Variants in GRM3 observed in about 807,000 individuals in gnomAD.
GRM3 encodes the protein glutamate metabotropic receptor 3, also known as metabotropic glutamate receptor 3.
GRM3 carries 26 observed loss-of-function variants against 70.5 expected under a neutral mutation model. That is an observed-to-expected ratio of 0.37 (90% CI 0.27 to 0.51). The LOEUF (loss-of-function observed/expected upper bound fraction) is 0.51, where lower values mean the gene tolerates loss of function less well. Among genes scored for constraint, GRM3 ranks in the 20% least tolerant of loss-of-function variants. The probability of loss-of-function intolerance (pLI) is 0.93; values close to 1 mark genes in which losing one functional copy is unlikely to be tolerated. For missense variants in GRM3, 859 were observed against 1,123.8 expected (o/e 0.76, Z 3.37); for synonymous variants, 443 against 434.9 (o/e 1.02, Z -0.23).
At chr7:86,827,288 G>T (rs1798253601) in intron 3 of GRM3, among the ~76,000 whole-genome samples, 1 of 152,242 alleles carries the variant, frequency 6.6e-6, no homozygotes, top group South Asian at 2.1e-4. Context: ...ACAGAATGCT[G>T]AAAGTCTTAG....
At chr7:86,749,996 C>T (rs188210239) in intron 1 of GRM3, among the ~76,000 whole-genome samples, 4 of 151,952 alleles carry the variant, frequency 2.6e-5, no homozygotes, top group Non-Finnish European at 4.4e-5. Context: ...TAGCAGAAAT[C>T]TTGGAAAGAG....
chr7:86,792,399 A>G (rs1199798564), intron 3 of GRM3, among the ~76,000 whole-genome samples: 1 of 152,190 alleles, frequency 6.6e-6, no homozygotes, highest in Non-Finnish European at 1.5e-5. Flanking sequence ...TCCATTTGCT[A>G]AGCATAACTG....
chr7:86,835,120 C>T (rs925132986), intron 3 of GRM3, among the ~76,000 whole-genome samples: 10 of 151,778 alleles, frequency 6.6e-5, no homozygotes, highest in Admixed American at 5.9e-4. Context: ...CCAAGAGAAA[C>T]AAGAAATGGT....
intron 1 of GRM3, among the ~76,000 whole-genome samples, chr7:86,747,643 G>A (rs1443707351): frequency 6.6e-6 from 1 of 152,016 alleles, no homozygotes; most frequent in Admixed American, 6.6e-5. Context: ...CATCAGTTCT[G>A]GTTGCCTATT....
chr7:86,758,845 G>T (rs1423453267), intron 1 of GRM3, among the ~76,000 whole-genome samples: 1 of 151,836 alleles, frequency 6.6e-6, no homozygotes, highest in East Asian at 1.9e-4. Context: ...TCTTCTTTTG[G>T]CCTCATCACC....
intron 1 of GRM3, among the ~76,000 whole-genome samples, chr7:86,764,195 C>A (rs988352890): frequency 7.9e-5 from 12 of 151,928 alleles, no homozygotes; most frequent in Admixed American, 2.0e-4. Flanking sequence ...GTAGTTGAAA[C>A]TGAAAATAGA....
intron 2 of GRM3, among the ~76,000 whole-genome samples, chr7:86,783,858 T>A (rs1458457522): frequency 6.6e-6 from 1 of 152,242 alleles, no homozygotes; most frequent in Non-Finnish European, 1.5e-5. Flanking sequence ...CCCCATGCTA[T>A]TCAATATAGG....
intron 1 of GRM3, among the ~76,000 whole-genome samples, chr7:86,649,471 C>A (rs563628891): frequency 6.6e-6 from 1 of 152,014 alleles, no homozygotes; most frequent in African/African-American, 2.4e-5. Context: ...GATTAAGGCA[C>A]CAGTTTGAAA....
At chr7:86,767,656 A>G (rs1478656010) in intron 2 of GRM3, among the ~76,000 whole-genome samples, 1 of 150,866 alleles carries the variant, frequency 6.6e-6, no homozygotes, top group African/African-American at 2.4e-5. Context: ...ACGAATTTAT[A>G]TTATACCCAA....
chr7:86,679,580 A>G (rs1366634071), intron 1 of GRM3, among the ~76,000 whole-genome samples: 1 of 148,704 alleles, frequency 6.7e-6, no homozygotes, highest in African/African-American at 2.6e-5. Flanking sequence ...TTTCAAAAGG[A>G]AGAGAGATCT....
chr7:86,664,629 A>G (rs1031159356), intron 1 of GRM3, among the ~76,000 whole-genome samples: 1 of 151,972 alleles, frequency 6.6e-6, no homozygotes, highest in East Asian at 1.9e-4. Flanking sequence ...GAATCCATTC[A>G]GAAGCTACAC....
chr7:86,822,636 G>A (rs534638520), intron 3 of GRM3, among the ~76,000 whole-genome samples: 3 of 152,288 alleles, frequency 2.0e-5, no homozygotes, highest in African/African-American at 7.2e-5. Flanking sequence ...ATGGTGAATG[G>A]GAAGTGGGCC....
chr7:86,787,091 T>C lies in GRM3; in HGVS notation c.1299T>C (p.Asp433=). 6.2e-7 allele frequency: 1 copy of C among 1,603,826 alleles called. No homozygotes were observed. The highest frequency in any genetic ancestry group is 1.7e-4 in the Middle Eastern group (1 of 6,034). The stretch of plus-strand genomic sequence containing the variant: ...TGGATGGGAAGAAGTTGTACAAGGA[T>C]TACTTGCTGAAAATCAACTTCACGG... ...KILDGKKLYK[D]YLLKINFTAP... The change falls in exon 3 of 6, where the codon GAT becomes GAC. Residue 433 remains aspartate (D), a synonymous_variant. Coordinates refer to ENST00000361669, the MANE Select transcript of GRM3 (RefSeq NM_000840.3).
At chr7:86,797,154 C>G (rs1449218144) in intron 3 of GRM3, among the ~76,000 whole-genome samples, 1 of 152,124 alleles carries the variant, frequency 6.6e-6, no homozygotes, top group Non-Finnish European at 1.5e-5. Flanking sequence ...GGGTGTTGCT[C>G]TAAAGATACC....
rs190558700 is a variant in GRM3, at chr7:86,805,847, C to A, written c.1324+18731C>A. 6.4e-3 allele frequency among the ~76,000 whole-genome samples: 969 copies of A among 152,150 alleles called. 7 individuals are homozygous for A. Among genetic ancestry groups the A allele is most frequent in the African/African-American group, 0.022 (924 of 41,510 alleles). ...ATGTGCCATGTTGGTGCGTTGCACT[C>A]ATTAACTCATCATTTACATTAGGTA... On this transcript the variant is annotated intron_variant, in intron 3 of 5. Transcript: ENST00000361669.
At chr7:86,706,567 A>G (rs1795061835) in intron 1 of GRM3, among the ~76,000 whole-genome samples, 1 of 152,040 alleles carries the variant, frequency 6.6e-6, no homozygotes, top group South Asian at 2.1e-4. Flanking sequence ...AGAGGACACT[A>G]CAAATCAAGG....
At chr7:86,756,289 G>A (rs1251884976) in intron 1 of GRM3, among the ~76,000 whole-genome samples, 1 of 152,082 alleles carries the variant, frequency 6.6e-6, no homozygotes, top group Non-Finnish European at 1.5e-5. Flanking sequence ...ATGTTGGCCA[G>A]GCTGGTCTCG....
chr7:86,742,559 G>GTAAGAGA (rs1216499325), intron 1 of GRM3, among the ~76,000 whole-genome samples: 6 of 152,140 alleles, frequency 3.9e-5, no homozygotes, highest in Admixed American at 3.3e-4. Context: ...GATGTAAGAG[G>GTAAGAGA]AAGGATAAAG....
At chr7:86,743,186 C>A (rs975114611) in intron 1 of GRM3, among the ~76,000 whole-genome samples, 1 of 152,054 alleles carries the variant, frequency 6.6e-6, no homozygotes, top group Admixed American at 6.6e-5. Flanking sequence ...ATATAGTAAT[C>A]TCTCAATATA....
Sources: gnomAD v4.1 joint callset for allele counts (sites outside exome capture counted in the v4.1 genomes callset) on GRCh38, gnomAD v4.1.1 for gene constraint, MANE v1.5 for transcripts, NCBI Gene and HGNC (gene_info 2026-07-23, HGNC 2026-07-21) for gene names.